The following CPNE3 variants were observed in gnomAD, a reference collection of about 807,000 sequenced individuals.
The protein encoded by CPNE3 is copine-3.
Under a neutral mutation model 63.9 loss-of-function variants are expected in CPNE3, and 68 were observed. The observed-to-expected ratio is 1.06, with a 90% CI of 0.87 to 1.30. The LOEUF (loss-of-function observed/expected upper bound fraction) is 1.30, where lower values mean the gene tolerates loss of function less well. Ranked by LOEUF, CPNE3 falls within the 50% of genes most tolerant of loss-of-function variation. The pLI is 0.00. For missense variants in CPNE3, 665 were observed against 578.1 expected (o/e 1.15, Z -1.54); for synonymous variants, 219 against 197.5 (o/e 1.11, Z -0.91).
At position 86,522,534 on chromosome 8, in the gene CPNE3, C is replaced by T. The variant is rs1047613887; in HGVS notation, c.-10-6002C>T. Reference sequence around the variant, plus strand: ...AGCCTTTGGATTTACAGCCATATTACCTGACGCCCGCTGCTTTTTTTTTTT... The same window carrying T: ...AGCCTTTGGATTTACAGCCATATTATCTGACGCCCGCTGCTTTTTTTTTTT... On this transcript the variant is annotated intron_variant, in intron 2 of 16. Coordinates refer to ENST00000517490, the MANE Select transcript of CPNE3 (RefSeq NM_003909.5). Among the ~76,000 whole-genome samples the T allele has an allele frequency of 4.8e-5, 7 of 146,556 alleles. No individual in the cohort carries two copies. In the Admixed American group the frequency reaches 4.8e-4, roughly 10 times the overall value.
chr8:86,550,445 A>G (rs1354573465), intron 12 of CPNE3, among the ~76,000 whole-genome samples: 1 of 152,172 alleles, frequency 6.6e-6, no homozygotes, highest in Non-Finnish European at 1.5e-5. Context: ...ATATGAAAGG[A>G]ATATTCCTCG....
chr8:86,555,804 G>T (rs946211542), intron 15 of CPNE3, among the ~76,000 whole-genome samples: 33 of 152,114 alleles, frequency 2.2e-4, no homozygotes, highest in African/African-American at 7.5e-4. Context: ...TTTAATACTT[G>T]AGTTAAAACT....
In CPNE3 at chr8:86,537,672, A is replaced by T. The variant is rs1412772634; in HGVS notation, c.543+26A>T. ...GTGAATATTTGAATTTGAAAAGCAGAGTGGAGGTGTTCTTTGAAATTATTG... is the reference window on the plus strand; with the variant it reads ...GTGAATATTTGAATTTGAAAAGCAGTGTGGAGGTGTTCTTTGAAATTATTG... On this transcript the variant is annotated intron_variant, in intron 7 of 16. Coordinates refer to ENST00000517490, the MANE Select transcript of CPNE3 (RefSeq NM_003909.5). 3.2e-6 allele frequency: 4 copies of T among 1,261,182 alleles called. No individual in the cohort carries two copies. The Admixed American group carries it at 6.7e-5, about 21-fold the overall frequency. 78.1% of individuals were successfully genotyped at this position (1,261,182 alleles called of 1,614,324 possible).
intron 8 of CPNE3, among the ~76,000 whole-genome samples, chr8:86,543,614 G>A (rs145560474): frequency 4.2e-4 from 64 of 152,232 alleles, no homozygotes; most frequent in African/African-American, 1.4e-3. Context: ...CCTTAGCACA[G>A]CGTTACTTTA....
rs764580333 is a variant in CPNE3, at chr8:86,551,257, A to G, written c.1120+23A>G. On this transcript the variant is annotated intron_variant, in intron 14 of 16. Coordinates refer to ENST00000517490, the MANE Select transcript of CPNE3 (RefSeq NM_003909.5). ...ATGGTAAGTTAAAAAATAAACATGA[A>G]GACTTCAAATGGAAAGGCTCACTAG... is the stretch of plus-strand genomic sequence containing the variant. 4 of 1,506,764 alleles carry G rather than the reference A, an allele frequency of 2.7e-6. No homozygotes were observed. In the Admixed American group the frequency reaches 5.0e-5, roughly 19 times the overall value. The allele number at this position is 1,506,764 out of a possible 1,614,324, so 93.3% of individuals were successfully genotyped here. A position where few individuals can be genotyped will look rare whatever the true frequency, so the allele number is the denominator to read the frequency against.
At chr8:86,527,632 G>A (rs1820568605) in intron 2 of CPNE3, among the ~76,000 whole-genome samples, 1 of 152,100 alleles carries the variant, frequency 6.6e-6, no homozygotes, top group Non-Finnish European at 1.5e-5. Context: ...ATCTCTTTAA[G>A]TGGAACTCCT....
At chr8:86,548,264 C>T (rs1274269318) in intron 11 of CPNE3, 37 bp from the exon 12 acceptor site, 1 of 1,610,100 alleles carries the variant, frequency 6.2e-7, no homozygotes, top group Non-Finnish European at 8.5e-7. Flanking sequence ...GTGTCCCTGC[C>T]TTCTCCTTAC....
Position 86,551,077 on chromosome 8 carries a change from G to T in CPNE3, c.1045G>T (p.Ala349Ser). ...GATGTTTCCAGCTTTTGGTTTTGGC[G>T]CTCAGATACCTCCTCAGTGGCAGGT... The part of the protein sequence containing the change: ...DKMFPAFGFG[A>S]QIPPQWQVSH... The change falls in exon 13 of 17, where the codon GCT (alanine) becomes TCT (serine). Residue 349 changes from alanine to serine, a missense_variant. Coordinates refer to ENST00000517490, the MANE Select transcript of CPNE3 (RefSeq NM_003909.5). 1.2e-6 allele frequency: 2 copies of T among 1,609,382 alleles called. No individual in the cohort carries two copies. The highest frequency in any genetic ancestry group is 1.1e-5 in the South Asian group (1 of 89,876).
chr8:86,531,175 A>T lies in CPNE3; in HGVS notation c.333A>T (p.Leu111=), dbSNP rs749400012. The change falls in exon 5 of 17, where the codon CTA becomes CTT. Residue 111 remains leucine, a synonymous_variant. Transcript: ENST00000517490. ...TLGQIVSSKK[L]TRPLVMKTGR... is the part of the protein sequence containing the mutation. ...AACAGATTGTTTCCAGCAAGAAGCTAACTCGACCACTGGTGATGAAAACTG... is the reference window on the plus strand; with the variant it reads ...AACAGATTGTTTCCAGCAAGAAGCTTACTCGACCACTGGTGATGAAAACTG... The T allele has an allele frequency of 4.5e-5, 57 of 1,276,808 alleles. No homozygotes were observed. In the Admixed American group the frequency reaches 8.9e-4, roughly 20 times the overall value. 79.1% of individuals were successfully genotyped at this position (1,276,808 alleles called of 1,614,324 possible). A position where few individuals can be genotyped will look rare whatever the true frequency, so the allele number is the denominator to read the frequency against.
chr8:86,534,038 A>G (rs891828614), intron 6 of CPNE3, among the ~76,000 whole-genome samples: 9 of 151,754 alleles, frequency 5.9e-5, no homozygotes, highest in Non-Finnish European at 1.0e-4. Context: ...AGGCAGGAAG[A>G]TGGCTTGATC....
intron 2 of CPNE3, among the ~76,000 whole-genome samples, chr8:86,528,180 G>A (rs897300384): frequency 2.0e-5 from 3 of 151,864 alleles, no homozygotes; most frequent in African/African-American, 4.8e-5. Flanking sequence ...AAATTCCTAA[G>A]CTCAAGCCAT....
intron 7 of CPNE3, 113 bp from the exon 8 acceptor site, chr8:86,540,132 G>T: frequency 1.5e-6 from 1 of 681,602 alleles, no homozygotes. Context: ...TTGAGTTGAT[G>T]AAGAGGTGGA....
intron 14 of CPNE3, 138 bp from the exon 15 acceptor site, chr8:86,554,713 G>A (rs1157261277): frequency 1.0e-6 from 1 of 981,112 alleles, no homozygotes; most frequent in African/African-American, 1.6e-5. Context: ...ATAGCTTAGA[G>A]GAACTACTGC....
intron 8 of CPNE3, among the ~76,000 whole-genome samples, chr8:86,543,960 C>T (rs1008380868): frequency 6.6e-6 from 1 of 152,078 alleles, no homozygotes; most frequent in South Asian, 2.1e-4. Context: ...AATATTTACT[C>T]TTTGACTGTC....
In CPNE3 at chr8:86,544,727, T is replaced by C; in HGVS notation, c.634-13T>C. 2 of 1,291,436 alleles carry C rather than the reference T, an allele frequency of 1.5e-6. No individual in the cohort carries two copies. Among genetic ancestry groups the C allele is most frequent in the Middle Eastern group, 2.0e-4 (1 of 5,062 alleles). The allele number at this position is 1,291,436 out of a possible 1,614,324, so 80.0% of individuals were successfully genotyped here. On this transcript the variant is annotated splice_polypyrimidine_tract_variant and intron_variant, in intron 8 of 16. Coordinates refer to ENST00000517490, the MANE Select transcript of CPNE3 (RefSeq NM_003909.5). ...TATTGATTTTTATATATTTTTATTATATTTAATTTCAGGTGGAGTGTTATG... is the reference window on the plus strand; with the variant it reads ...TATTGATTTTTATATATTTTTATTACATTTAATTTCAGGTGGAGTGTTATG...
At chr8:86,521,785 T>C (rs1005534996) in intron 2 of CPNE3, 1 of 152,134 alleles carries the variant, frequency 6.6e-6, no homozygotes, top group Non-Finnish European at 1.5e-5. Context: ...ATTTTGAAGA[T>C]TAACAATGTG....
chr8:86,560,791 AC>A lies in CPNE3; in HGVS notation c.*2382del, dbSNP rs1374544680. 1 of 152,214 alleles carries A rather than the reference AC, an allele frequency of 6.6e-6. No homozygotes were observed. The highest frequency in any genetic ancestry group is 1.9e-4 in the East Asian group (1 of 5,204). The allele number at this position is 152,214 out of a possible 1,614,324, so 9.4% of individuals were successfully genotyped here. ...TCATACGCTGATTTAATATTGTTTT[AC>A]ATTAAAATAGTCCTTTTCCCTGTTG... On this transcript the variant is annotated 3_prime_UTR_variant, in exon 17 of 17. Coordinates refer to ENST00000517490, the MANE Select transcript of CPNE3 (RefSeq NM_003909.5).
At position 86,554,881 on chromosome 8, in the gene CPNE3, C is replaced by T; in HGVS notation, c.1151C>T (p.Ser384Phe). The T allele has an allele frequency of 6.2e-7, 1 of 1,614,076 alleles. No homozygotes were observed. Among genetic ancestry groups the T allele is most frequent in the South Asian group, 1.1e-5 (1 of 91,070 alleles). Residue 384 changes from serine to phenylalanine, a missense_variant, in exon 15 of 17, where the codon TCT becomes TTT. By Grantham distance (155) the Ser-to-Phe change is radical. Transcript: ENST00000517490. ...GIQGIVEAYRSCLPQIKLYGP... is the reference protein window; with the variant it reads ...GIQGIVEAYRFCLPQIKLYGP... ...CAAGGCATTGTAGAGGCGTATCGGT[C>T]TTGTCTTCCTCAGATAAAACTCTAT...
intron 2 of CPNE3, among the ~76,000 whole-genome samples, chr8:86,517,313 A>G (rs1166311045): frequency 6.6e-6 from 1 of 152,186 alleles, no homozygotes; most frequent in African/African-American, 2.4e-5. Context: ...CTACATACTC[A>G]TTTTAGTAAA....
Sources: allele counts gnomAD v4.1 joint callset (sites outside exome capture counted in the v4.1 genomes callset), GRCh38; gene constraint gnomAD v4.1.1; transcripts MANE v1.5; gene names NCBI Gene and HGNC (gene_info 2026-07-23, HGNC 2026-07-21).